BICC1: variants seen among roughly 807,000 people sequenced by gnomAD.
BICC1 encodes the protein protein bicaudal C homolog 1.
BICC1 carries 43 observed loss-of-function variants against 111.0 expected under a neutral mutation model. The observed-to-expected ratio is 0.39, with a 90% CI of 0.30 to 0.50. BICC1 has a LOEUF of 0.50. BICC1 is among the 20% of genes least tolerant of loss of function. The probability of loss-of-function intolerance (pLI) is 0.88; values close to 1 mark genes in which losing one functional copy is unlikely to be tolerated. For synonymous variants in BICC1, 467 were observed against 434.4 expected, an observed-to-expected ratio of 1.07 and a Z score of -0.93; for missense variants, 1,091 against 1,203.2, an observed-to-expected ratio of 0.91 and a Z score of 1.38.
At chr10:58,616,871 A>T (rs1845625059) in intron 1 of BICC1, among the ~76,000 whole-genome samples, 1 of 152,238 alleles carries the variant, frequency 6.6e-6, no homozygotes, top group African/African-American at 2.4e-5. Flanking sequence ...TAATGATATT[A>T]TGCTAACTTC....
intron 1 of BICC1, among the ~76,000 whole-genome samples, chr10:58,551,757 C>T (rs1445304250): frequency 6.6e-6 from 1 of 152,094 alleles, no homozygotes; most frequent in Admixed American, 6.6e-5. Flanking sequence ...ATTTCTCTTT[C>T]TCTGACCTTA....
At chr10:58,721,749 A>T (rs547993505) in intron 3 of BICC1, among the ~76,000 whole-genome samples, 94 of 152,116 alleles carry the variant, frequency 6.2e-4, no homozygotes, top group Non-Finnish European at 1.2e-3. Flanking sequence ...AATTTTCAGC[A>T]CGTAAGCAGG....
chr10:58,763,167 A>G (rs1289554368), intron 3 of BICC1, among the ~76,000 whole-genome samples: 1 of 152,252 alleles, frequency 6.6e-6, no homozygotes, highest in Non-Finnish European at 1.5e-5. Flanking sequence ...CATCCCTTCC[A>G]GGAAGAAAAA....
rs1163204225 is a variant in BICC1 at position 58,807,088 on chromosome 10, C to G, written c.2306C>G (p.Ala769Gly). The change falls in exon 17 of 21, where the codon GCT (alanine) becomes GGT (glycine). Residue 769 changes from alanine (A) to glycine (G), a missense_variant. Physicochemically the swap from Ala to Gly is moderately conservative, Grantham distance 60. This residue lies in a region of BICC1 where 231 missense variants were observed against 256.2 expected (regional missense o/e 0.90). Transcript: ENST00000373886. ...SGLGFSKSMP[A>G]ETIKELRRAN... ...CTGGGTTTTTCTAAATCCATGCCAG[C>G]TGAAACTATCAAGGAGTTGAGAAGG... 5 of 1,613,904 alleles carry G rather than the reference C, an allele frequency of 3.1e-6. No individual in the cohort carries two copies. Among genetic ancestry groups the G allele is most frequent in the Non-Finnish European group, 4.2e-6 (5 of 1,179,876 alleles).
At chr10:58,762,496 TTTTGTTTG>T (rs1046487370) in intron 3 of BICC1, among the ~76,000 whole-genome samples, 8 of 152,226 alleles carry the variant, frequency 5.3e-5, no homozygotes, top group South Asian at 2.1e-4. Flanking sequence ...CAGCGTTGTT[TTTTGTTTG>T]TTTGTTTGTT....
rs1842135955 is a variant in BICC1, at chr10:58,513,019, G to T, written c.-125G>T. On this transcript the variant is annotated 5_prime_UTR_variant, in exon 1 of 21. Transcript: ENST00000373886. ...CGGCGGCGGCGTTGGCGGTGGCGTC[G>T]GCGGCTGCAGGGGGACGAGCTAGCG... 1 of 648,034 alleles carries T rather than the reference G, an allele frequency of 1.5e-6. No homozygotes were observed. The highest frequency in any genetic ancestry group is 1.9e-5 in the African/African-American group (1 of 51,352). 40.1% of individuals were successfully genotyped at this position (648,034 alleles called of 1,614,324 possible). A position where few individuals can be genotyped will look rare whatever the true frequency, so the allele number is the denominator to read the frequency against.
At chr10:58,681,647 A>G (rs1839524485) in intron 2 of BICC1, among the ~76,000 whole-genome samples, 1 of 152,148 alleles carries the variant, frequency 6.6e-6, no homozygotes, top group African/African-American at 2.4e-5. Context: ...TGTGCCTGGA[A>G]TTGGTTCCTT....
intron 2 of BICC1, among the ~76,000 whole-genome samples, chr10:58,689,415 T>C (rs574680055): frequency 6.6e-6 from 1 of 152,306 alleles, no homozygotes; most frequent in Non-Finnish European, 1.5e-5. Flanking sequence ...GATAATCAGG[T>C]TGATTCCAGG....
chr10:58,555,590 T>C (rs1843429178), intron 1 of BICC1, among the ~76,000 whole-genome samples: 2 of 152,136 alleles, frequency 1.3e-5, no homozygotes, highest in Admixed American at 6.6e-5. Flanking sequence ...CTCACAATAA[T>C]GATTAGCAGT....
chr10:58,663,762 A>G (rs952777904), intron 2 of BICC1, among the ~76,000 whole-genome samples: 13 of 152,218 alleles, frequency 8.5e-5, no homozygotes, highest in African/African-American at 2.7e-4. Flanking sequence ...ATTGTCTTCC[A>G]TGAAACTGGT....
chr10:58,670,485 A>G (rs1381496469), intron 2 of BICC1, among the ~76,000 whole-genome samples: 1 of 152,106 alleles, frequency 6.6e-6, no homozygotes, highest in African/African-American at 2.4e-5. Context: ...AAATACCCCT[A>G]TGGCACTAGG....
Position 58,813,727 on chromosome 10 carries a change from A to G in BICC1, c.2377-103A>G, listed in dbSNP as rs550232841. On this transcript the variant is annotated intron_variant, in intron 17 of 20. Transcript: ENST00000373886. ...CTCATGAGTAACTGCGGTGGTTGGC[A>G]AGAGAAGTAAACGGCAGTGGTGTAA... is the stretch of plus-strand genomic sequence containing the variant. The G allele has an allele frequency of 9.6e-5, 117 of 1,224,516 alleles. No individual in the cohort carries two copies. In the African/African-American group the frequency reaches 1.5e-3, roughly 16 times the overall value. 75.9% of individuals were successfully genotyped at this position (1,224,516 alleles called of 1,614,324 possible). A position where few individuals can be genotyped will look rare whatever the true frequency, so the allele number is the denominator to read the frequency against.
At chr10:58,764,200 G>A (rs1054449180) in intron 3 of BICC1, among the ~76,000 whole-genome samples, 1 of 152,140 alleles carries the variant, frequency 6.6e-6, no homozygotes, top group Non-Finnish European at 1.5e-5. Flanking sequence ...GCCTACATTA[G>A]GCTTTTGAAA....
chr10:58,701,284 T>C (rs77208373), intron 2 of BICC1, among the ~76,000 whole-genome samples: 1,671 of 152,344 alleles, frequency 0.011, 34 homozygotes, highest in African/African-American at 0.038. Context: ...ATTCTATGTT[T>C]GTCTTACATG....
intron 3 of BICC1, among the ~76,000 whole-genome samples, chr10:58,718,959 A>C (rs1160197474): frequency 6.6e-6 from 1 of 152,132 alleles, no homozygotes; most frequent in Middle Eastern, 3.2e-3. Context: ...TTTGAATTCT[A>C]ATTTTAGGGT....
chr10:58,685,846 A>C (rs912358080), intron 2 of BICC1, among the ~76,000 whole-genome samples: 6 of 151,982 alleles, frequency 3.9e-5, no homozygotes, highest in African/African-American at 1.5e-4. Context: ...TTTTAATTGG[A>C]GCATTTAGCA....
chr10:58,599,840 T>C (rs1844966808), intron 1 of BICC1, among the ~76,000 whole-genome samples: 1 of 152,034 alleles, frequency 6.6e-6, no homozygotes, highest in Admixed American at 6.6e-5. Flanking sequence ...GAGAGACTTT[T>C]TTCTTATGGG....
chr10:58,667,781 A>G (rs1839061798), intron 2 of BICC1, among the ~76,000 whole-genome samples: 1 of 152,098 alleles, frequency 6.6e-6, no homozygotes, highest in South Asian at 2.1e-4. Flanking sequence ...TGACATATCT[A>G]TATGAACTAA....
intron 3 of BICC1, among the ~76,000 whole-genome samples, chr10:58,751,362 C>A (rs1289233345): frequency 6.6e-6 from 1 of 152,126 alleles, no homozygotes; most frequent in Non-Finnish European, 1.5e-5. Flanking sequence ...TGACTGGTGT[C>A]AGCCTACCAT....
Sources: gnomAD v4.1 joint callset for allele counts (sites outside exome capture counted in the v4.1 genomes callset) on GRCh38, gnomAD v4.1.1 for gene constraint, gnomAD v4.1.1 regional missense constraint, MANE v1.5 for transcripts, NCBI Gene and HGNC (gene_info 2026-07-23, HGNC 2026-07-21) for gene names.